Variants in CFAP74 observed in about 807,000 individuals in gnomAD.
CFAP74 encodes the protein cilia- and flagella-associated protein 74.
A neutral mutation model predicts 188.9 loss-of-function variants in CFAP74; 124 were observed. The observed-to-expected ratio is 0.66, with a 90% CI of 0.57 to 0.76. CFAP74 has a LOEUF of 0.76. CFAP74 is among the 30% of genes least tolerant of loss of function. The pLI, the probability that CFAP74 is intolerant of heterozygous loss-of-function variation, is 0.00. For synonymous variants in CFAP74, 956 were observed against 916.7 expected (o/e 1.04, Z -0.77); for missense variants, 2,198 against 2,165.2 (o/e 1.02, Z -0.30).
At chr1:1,943,365 A>G (rs1653521030) in intron 21 of CFAP74, among the ~76,000 whole-genome samples, 2 of 152,174 alleles carry the variant, frequency 1.3e-5, no homozygotes, top group Non-Finnish European at 1.5e-5. Context: ...TTCCCGGCCC[A>G]TGCCGGGCCC....
At position 1,989,469 on chromosome 1, in the gene CFAP74, G is replaced by A. The variant is rs891433282; in HGVS notation, c.68-496C>T. ...TTTGGACCTCAACATGACGTTCGGCGTAGTCATGAACCTGACGTGGAGTCT... is the reference window on the plus strand; with the variant it reads ...TTTGGACCTCAACATGACGTTCGGCATAGTCATGAACCTGACGTGGAGTCT... On this transcript the variant is annotated intron_variant, in intron 2 of 38. Transcript: ENST00000682832. Among the ~76,000 whole-genome samples, 7 of 152,226 alleles carry A rather than the reference G, an allele frequency of 4.6e-5. No homozygotes were observed. In the East Asian group the frequency reaches 5.8e-4, roughly 13 times the overall value.
intron 1 of CFAP74, among the ~76,000 whole-genome samples, 164 bp from the exon 2 acceptor site, chr1:1,991,139 T>G (rs192985012): frequency 6.6e-6 from 1 of 152,234 alleles, no homozygotes; most frequent in Admixed American, 6.5e-5. Flanking sequence ...CTGGAACACA[T>G]GAAGAGCTCC....
At chr1:1,947,998 G>T (rs561728787) in intron 18 of CFAP74, among the ~76,000 whole-genome samples, 2 of 151,978 alleles carry the variant, frequency 1.3e-5, no homozygotes, top group African/African-American at 2.4e-5. Flanking sequence ...TCAGCCTTCC[G>T]AGTAGCTGGG....
intron 25 of CFAP74, among the ~76,000 whole-genome samples, chr1:1,932,202 CTGGCTAACA>C (rs907678214): frequency 1.3e-5 from 2 of 151,816 alleles, no homozygotes; most frequent in African/African-American, 4.8e-5. Flanking sequence ...CGAGACCATC[CTGGCTAACA>C]TGGTGAAACC....
rs536709170 is a variant in CFAP74 at position 1,963,671 on chromosome 1, C to T, written c.1694+78G>A. On this transcript the variant is annotated intron_variant, in intron 14 of 38. Coordinates refer to ENST00000682832, the MANE Select transcript of CFAP74 (RefSeq NM_001304360.2). ...ATGCCCATATAGAGCCTGTTCCAGC[C>T]GTTCTGAACATGAAGGGACCTATGA... The T allele has an allele frequency of 2.9e-5, 26 of 888,654 alleles. No homozygotes were observed. The African/African-American group carries it at 3.5e-4, about 12-fold the overall frequency. The allele number at this position is 888,654 out of a possible 1,614,324, so 55.0% of individuals were successfully genotyped here.
intron 15 of CFAP74, among the ~76,000 whole-genome samples, chr1:1,959,559 C>A (rs961814460): frequency 6.6e-6 from 1 of 152,220 alleles, no homozygotes; most frequent in Non-Finnish European, 1.5e-5. Context: ...AGCCACCACA[C>A]CCCTCCCTCC....
intron 2 of CFAP74, among the ~76,000 whole-genome samples, chr1:1,989,785 C>T (rs1370294974): frequency 1.3e-5 from 2 of 152,130 alleles, no homozygotes; most frequent in African/African-American, 4.8e-5. Flanking sequence ...TCTTGACACG[C>T]ACTAACTTGG....
intron 6 of CFAP74, among the ~76,000 whole-genome samples, chr1:1,977,831 G>A (rs950716897): frequency 3.3e-5 from 5 of 152,186 alleles, no homozygotes; most frequent in South Asian, 4.1e-4. Flanking sequence ...GAGACAACCC[G>A]TTGGAAAGTT....
Position 1,999,931 on chromosome 1 carries a change from T to A in CFAP74, c.-20+3770A>T, listed in dbSNP as rs367569863. 1.2e-4 allele frequency among the ~76,000 whole-genome samples: 18 copies of A among 151,930 alleles called. 1 individual carries two copies. In the South Asian group the frequency reaches 3.5e-3, roughly 30 times the overall value. On this transcript the variant is annotated intron_variant, in intron 1 of 38. Transcript: ENST00000682832. ...CTGTAATCCCAGCACTTTGGGAGGC[T>A]GAGGCGGGCGGATCATGAGGTCAGG...
chr1:1,938,547 C>T (rs1002019144), intron 25 of CFAP74, among the ~76,000 whole-genome samples: 26 of 151,754 alleles, frequency 1.7e-4, no homozygotes, highest in South Asian at 1.7e-3. Flanking sequence ...GATACGTCTG[C>T]GCACACACGT....
intron 14 of CFAP74, 124 bp from the exon 15 acceptor site, chr1:1,960,154 G>C: frequency 1.3e-6 from 1 of 774,426 alleles, no homozygotes; most frequent in Non-Finnish European, 2.1e-6. Flanking sequence ...CTGGCCCCCT[G>C]CCCAGCCGCC....
chr1:1,985,441 G>A lies in CFAP74; in HGVS notation c.445C>T (p.Leu149=), dbSNP rs776659804. The change falls in exon 6 of 39, where the codon CTG becomes TTG. Residue 149 remains leucine (L), a synonymous_variant. Coordinates refer to ENST00000682832, the MANE Select transcript of CFAP74 (RefSeq NM_001304360.2). ...QAVSRRLFAE[L]ENERDLQSRT... ...GACTGCAGGTCTCTCTCGTTCTCCA[G>A]CTCTGCAAACAGGCGTCTGGACACG... 6.2e-7 allele frequency: 1 copy of A among 1,614,074 alleles called. No homozygotes were observed. Among genetic ancestry groups the A allele is most frequent in the Non-Finnish European group, 8.5e-7 (1 of 1,180,030 alleles).
At chr1:1,935,017 C>T (rs192711555) in intron 25 of CFAP74, among the ~76,000 whole-genome samples, 3 of 49,850 alleles carry the variant, frequency 6.0e-5, no homozygotes, top group African/African-American at 1.6e-4. Context: ...ATGTGTGTTG[C>T]TGTGGGTACA....
intron 6 of CFAP74, among the ~76,000 whole-genome samples, chr1:1,982,892 CGT>C (rs1471943993): frequency 6.6e-6 from 1 of 152,212 alleles, no homozygotes; most frequent in Admixed American, 6.5e-5. Context: ...GGCAGAGCTG[CGT>C]GCGTTTCCCA....
At chr1:1,989,009 A>G in intron 2 of CFAP74, 36 bp from the exon 3 acceptor site, 3 of 1,032,824 alleles carry the variant, frequency 2.9e-6, no homozygotes, top group Non-Finnish European at 2.9e-6. Flanking sequence ...AAAAAAAAAA[A>G]GCAGATCAAA....
At position 1,928,780 on chromosome 1, in the gene CFAP74, G is replaced by T; in HGVS notation, c.3387+4C>A. The T allele has an allele frequency of 6.5e-7, 1 of 1,534,216 alleles. No homozygotes were observed. The highest frequency in any genetic ancestry group is 8.7e-7 in the Non-Finnish European group (1 of 1,145,530). On this transcript the variant is annotated splice_donor_region_variant and intron_variant, in intron 27 of 38. Transcript: ENST00000682832. ...TACGCCCCTCCTTCCCGGGCCCCAC[G>T]CACAGATTTGGTCTCCATTTCTTTG...
chr1:1,940,947 C>A (rs529594097), intron 22 of CFAP74, among the ~76,000 whole-genome samples: 6 of 152,024 alleles, frequency 3.9e-5, no homozygotes, highest in African/African-American at 1.2e-4. Context: ...CCCATCTCTA[C>A]TAAAAAATAC....
intron 18 of CFAP74, among the ~76,000 whole-genome samples, chr1:1,951,001 A>G (rs1189513988): frequency 6.6e-6 from 1 of 152,212 alleles, no homozygotes; most frequent in Non-Finnish European, 1.5e-5. Flanking sequence ...TGAGGAACGA[A>G]TTAAAGTTAA....
At chr1:1,995,631 C>T (rs573085143) in intron 1 of CFAP74, among the ~76,000 whole-genome samples, 2 of 151,944 alleles carry the variant, frequency 1.3e-5, no homozygotes, top group Admixed American at 6.6e-5. Flanking sequence ...AAGAACAGGC[C>T]GGGCTCGGTG....
Sources: allele counts gnomAD v4.1 joint callset (sites outside exome capture counted in the v4.1 genomes callset), GRCh38; gene constraint gnomAD v4.1.1; transcripts MANE v1.5; gene names NCBI Gene and HGNC (gene_info 2026-07-23, HGNC 2026-07-21).